Variants in TMEM178B observed in about 807,000 individuals in gnomAD.
TMEM178B encodes transmembrane protein 178B.
TMEM178B carries 5 observed loss-of-function variants against 31.0 expected under a neutral mutation model. That is an observed-to-expected ratio of 0.16 (90% CI 0.08 to 0.34). The LOEUF (loss-of-function observed/expected upper bound fraction) is 0.34, where lower values mean the gene tolerates loss of function less well. Among genes scored for constraint, TMEM178B ranks in the 10% least tolerant of loss-of-function variants. The pLI is 1.00. For missense variants in TMEM178B, 275 were observed against 400.3 expected (o/e 0.69, Z 2.67); for synonymous variants, 164 against 164.0 (o/e 1.00, Z 0.00).
chr7:141,458,369 CA>C (rs1305881255), intron 3 of TMEM178B, among the ~76,000 whole-genome samples: 2 of 152,154 alleles, frequency 1.3e-5, no homozygotes, highest in African/African-American at 4.8e-5. Flanking sequence ...CATGTACCCC[CA>C]CTGGAGGCTG....
At chr7:141,309,373 C>T (rs1007502943) in intron 2 of TMEM178B, among the ~76,000 whole-genome samples, 4 of 152,110 alleles carry the variant, frequency 2.6e-5, no homozygotes, top group Non-Finnish European at 4.4e-5. Flanking sequence ...AAACATAATA[C>T]TCTCTCTCAT....
chr7:141,282,123 A>G (rs1798375443), intron 2 of TMEM178B, among the ~76,000 whole-genome samples: 1 of 152,214 alleles, frequency 6.6e-6, no homozygotes, highest in South Asian at 2.1e-4. Flanking sequence ...GGTCGAAAGA[A>G]GAGGTGTTTA....
At chr7:141,435,203 T>C (rs903574795) in intron 2 of TMEM178B, among the ~76,000 whole-genome samples, 5 of 152,226 alleles carry the variant, frequency 3.3e-5, no homozygotes, top group Non-Finnish European at 7.3e-5. Context: ...GGAATGAAAC[T>C]AGGCCCCTGT....
At chr7:141,243,535 AG>A (rs1797677766) in intron 2 of TMEM178B, among the ~76,000 whole-genome samples, 1 of 151,998 alleles carries the variant, frequency 6.6e-6, no homozygotes, top group African/African-American at 2.4e-5. Context: ...AGGGGAGCAG[AG>A]GGGAGTGAGG....
In TMEM178B at chr7:141,100,207, CT is replaced by C. The variant is rs751136128; in HGVS notation, c.382+25530del. 4.8e-3 allele frequency among the ~76,000 whole-genome samples: 679 copies of C among 141,488 alleles called. 1 individual carries two copies. The highest frequency in any genetic ancestry group is 7.5e-3 in the Middle Eastern group (2 of 268). 92.8% of individuals were successfully genotyped at this position (141,488 alleles called of 152,430 possible). A position where few individuals can be genotyped will look rare whatever the true frequency, so the allele number is the denominator to read the frequency against. On this transcript the variant is annotated intron_variant, in intron 1 of 3. Transcript: ENST00000565468. The stretch of plus-strand genomic sequence containing the variant: ...TTCTCAGACCCCACATCTGTAACAT[CT>C]TTTTTTTTTTTTTTAAATAAGTAAC...
chr7:141,360,266 C>CTTCCTGCAGCCTTGGGGAATGAGTCATAG lies in TMEM178B; in HGVS notation c.497-77339_497-77311dup, dbSNP rs1171807160. On this transcript the variant is annotated intron_variant, in intron 2 of 3. Transcript: ENST00000565468. ...GAAGGGAAGATAGGGATGGCAGGTT[C>CTTCCTGCAGCCTTGGGGAATGAGTCATAG]TTCCTGCAGCCTTGGGGAATGAGTC... 3.3e-5 allele frequency among the ~76,000 whole-genome samples: 5 copies of CTTCCTGCAGCCTTGGGGAATGAGTCATAG among 152,210 alleles called. 1 individual carries two copies. In the South Asian group the frequency reaches 1.0e-3, roughly 32 times the overall value.
chr7:141,228,357 C>T (rs990302162), intron 2 of TMEM178B, among the ~76,000 whole-genome samples: 6 of 151,740 alleles, frequency 4.0e-5, no homozygotes, highest in African/African-American at 1.2e-4. Context: ...TAATTATTCA[C>T]GAACTCAGAT....
chr7:141,130,778 A>G (rs1399315788), intron 1 of TMEM178B, among the ~76,000 whole-genome samples: 1 of 152,180 alleles, frequency 6.6e-6, no homozygotes, highest in African/African-American at 2.4e-5. Context: ...ATACTAAGTA[A>G]TTAACTAAAT....
intron 2 of TMEM178B, among the ~76,000 whole-genome samples, chr7:141,320,161 C>T (rs1209418445): frequency 2.6e-5 from 4 of 152,220 alleles, no homozygotes; most frequent in East Asian, 1.9e-4. Flanking sequence ...CCTTGCTTCC[C>T]CTCTGTCTTC....
the TMEM178B span, among the ~76,000 whole-genome samples, chr7:141,486,400 A>T: frequency 0.011 from 1,697 of 152,272 alleles, 28 homozygotes; most frequent in African/African-American, 0.039. Context: ...ATTTACACAA[A>T]TTTTAAAAAA....
At chr7:141,158,219 C>G (rs1563103054) in intron 1 of TMEM178B, among the ~76,000 whole-genome samples, 2 of 152,166 alleles carry the variant, frequency 1.3e-5, no homozygotes, top group African/African-American at 4.8e-5. Context: ...CCTCAGCCCC[C>G]CAAGTAGACA....
intron 2 of TMEM178B, among the ~76,000 whole-genome samples, chr7:141,224,326 A>G (rs1341925130): frequency 6.6e-6 from 1 of 152,248 alleles, no homozygotes; most frequent in Non-Finnish European, 1.5e-5. Flanking sequence ...AGCAGCTACC[A>G]TATCAGACAG....
rs534048670 is a variant in TMEM178B at position 141,299,031 on chromosome 7, G to A, written c.496+86327G>A. Among the ~76,000 whole-genome samples the A allele has an allele frequency of 1.2e-3, 184 of 152,244 alleles. 2 individuals carry two copies. The highest frequency in any genetic ancestry group is 4.1e-3 in the African/African-American group (172 of 41,548). On this transcript the variant is annotated intron_variant, in intron 2 of 3. Coordinates refer to ENST00000565468, the MANE Select transcript of TMEM178B (RefSeq NM_001195278.2). Reference sequence around the variant, plus strand: ...GAGTAGAAGGCTGTTTCTGGGAGGGGTGGGTGAGAGAGAGATGTCACTGGA... The same window carrying A: ...GAGTAGAAGGCTGTTTCTGGGAGGGATGGGTGAGAGAGAGATGTCACTGGA...
rs200688275 is a variant in TMEM178B, at chr7:141,445,154, A to G, written c.634+7409A>G. On this transcript the variant is annotated intron_variant, in intron 3 of 3. Coordinates refer to ENST00000565468, the MANE Select transcript of TMEM178B (RefSeq NM_001195278.2). ...CAGGCTATTATGTGTGAGTGATTGC[A>G]GTGATTTGCAAGCCGATGATGCCAC... Among the ~76,000 whole-genome samples, 23 of 152,324 alleles carry G rather than the reference A, an allele frequency of 1.5e-4. No homozygotes were observed. In the East Asian group the frequency reaches 4.4e-3, roughly 29 times the overall value.
intron 2 of TMEM178B, among the ~76,000 whole-genome samples, chr7:141,419,273 G>T (rs1801157574): frequency 6.6e-6 from 1 of 152,116 alleles, no homozygotes; most frequent in South Asian, 2.1e-4. Flanking sequence ...CAAAAGAAAG[G>T]CAACACTCTA....
At chr7:141,190,613 T>C (rs539251197) in intron 1 of TMEM178B, among the ~76,000 whole-genome samples, 1 of 152,284 alleles carries the variant, frequency 6.6e-6, no homozygotes, top group African/African-American at 2.4e-5. Flanking sequence ...GCCCAGCTCA[T>C]GTAATTTACT....
intron 1 of TMEM178B, among the ~76,000 whole-genome samples, chr7:141,199,442 A>G (rs1405592514): frequency 6.6e-6 from 1 of 152,240 alleles, no homozygotes; most frequent in East Asian, 1.9e-4. Context: ...AATGGAAGCC[A>G]TCGGCATAAT....
At chr7:141,076,556 C>G (rs1476450927) in intron 1 of TMEM178B, among the ~76,000 whole-genome samples, 1 of 152,178 alleles carries the variant, frequency 6.6e-6, no homozygotes, top group Non-Finnish European at 1.5e-5. Flanking sequence ...TTCCCTGTTG[C>G]TCTGCTTGGC....
chr7:141,291,590 G>T (rs1798546423), intron 2 of TMEM178B, among the ~76,000 whole-genome samples: 1 of 152,150 alleles, frequency 6.6e-6, no homozygotes, highest in Non-Finnish European at 1.5e-5. Flanking sequence ...CACAATTCCT[G>T]CCCCAGGGGG....
Sources: allele counts gnomAD v4.1 joint callset (sites outside exome capture counted in the v4.1 genomes callset), GRCh38; gene constraint gnomAD v4.1.1; transcripts MANE v1.5; gene names NCBI Gene and HGNC (gene_info 2026-07-23, HGNC 2026-07-21).